AKAP13: variants seen among roughly 807,000 people sequenced by gnomAD.
AKAP13 encodes the protein A-kinase anchoring protein 13.
AKAP13 carries 80 observed loss-of-function variants against 264.5 expected under a neutral mutation model. The ratio of observed to expected loss-of-function variants is 0.30; its 90% confidence interval spans 0.25 to 0.36. The LOEUF is 0.36. Among genes scored for constraint, AKAP13 ranks in the 10% least tolerant of loss-of-function variants. The pLI, the probability that AKAP13 is intolerant of heterozygous loss-of-function variation, is 1.00. For missense variants in AKAP13, 3,712 were observed against 3,435.2 expected (o/e 1.08, Z -2.01); for synonymous variants, 1,380 against 1,250.2 (o/e 1.10, Z -2.19).
intron 8 of AKAP13, among the ~76,000 whole-genome samples, chr15:85,634,911 CTTCT>C (rs1190955665): frequency 6.7e-6 from 1 of 148,640 alleles, no homozygotes; most frequent in African/African-American, 2.5e-5. Flanking sequence ...CAGTTCATTT[CTTCT>C]TTCTATGAAT....
intron 5 of AKAP13, among the ~76,000 whole-genome samples, chr15:85,548,902 C>CTTTT (rs72092593): frequency 4.3e-4 from 53 of 123,320 alleles, no homozygotes; most frequent in African/African-American, 1.5e-3. Context: ...ACCTCAGTGC[C>CTTTT]TTTTTTTTTT....
rs1444762616 is a variant in AKAP13 at position 85,694,468 on chromosome 15, CTTA to C, written c.5464+1019_5464+1021del. ...TGAGTGTGATTCCAATAAAACTTCA[CTTA>C]TGGATACTGAAATTTGAATTTCATA... On this transcript the variant is annotated intron_variant, in intron 17 of 36. Transcript: ENST00000394518. 3.9e-5 allele frequency among the ~76,000 whole-genome samples: 6 copies of C among 152,316 alleles called. No homozygotes were observed. The South Asian group carries it at 1.0e-3, about 26-fold the overall frequency.
In AKAP13 at chr15:85,724,995, G is replaced by A. The variant is rs757278406; in HGVS notation, c.6746-1415G>A. Among the ~76,000 whole-genome samples the A allele has an allele frequency of 6.6e-5, 10 of 152,036 alleles. No homozygotes were observed. Among genetic ancestry groups the A allele is most frequent in the East Asian group, 3.9e-4 (2 of 5,176 alleles). ...CCCTAGCTCTCTTTGAGACTTTTACGCTGTCTGGCAGTTCAGAAATACCTG... is the reference window on the plus strand; with the variant it reads ...CCCTAGCTCTCTTTGAGACTTTTACACTGTCTGGCAGTTCAGAAATACCTG... On this transcript the variant is annotated intron_variant, in intron 26 of 36. Coordinates refer to ENST00000394518, the MANE Select transcript of AKAP13 (RefSeq NM_007200.5). The surrounding 1 kb of genome is among the most constrained non-coding windows in gnomAD (Gnocchi z 4.2).
intron 3 of AKAP13, among the ~76,000 whole-genome samples, chr15:85,528,543 T>C (rs1289575608): frequency 6.6e-6 from 1 of 152,192 alleles, no homozygotes; most frequent in East Asian, 1.9e-4. Context: ...ATCCGTAAGG[T>C]TGATGGTGTT....
Position 85,718,020 on chromosome 15 carries a change from C to A in AKAP13, c.5862C>A (p.Asp1954Glu). ...TGATATATTGAGGAGTAGGTACAGA[C>A]ATGAATGAAGGACAACTACTGGGAG... Reference protein sequence around the residue: ...ESLTDEGVGTDMNEGQLLGDF... With the variant: ...ESLTDEGVGTEMNEGQLLGDF... Residue 1954 changes from aspartate to glutamate, a missense_variant, in exon 22 of 37, where the codon GAC (aspartate) becomes GAA (glutamate). Physicochemically the swap from Asp to Glu is conservative, Grantham distance 45 (BLOSUM62 2). Transcript: ENST00000394518. The surrounding 1 kb of genome is among the most constrained non-coding windows in gnomAD (Gnocchi z 4.9). The A allele has an allele frequency of 6.2e-7, 1 of 1,614,020 alleles. No homozygotes were observed. Among genetic ancestry groups the A allele is most frequent in the Non-Finnish European group, 8.5e-7 (1 of 1,179,962 alleles).
Position 85,581,056 on chromosome 15 carries a change from A to T in AKAP13, c.2988A>T (p.Glu996Asp). 6 of 1,614,038 alleles carry T rather than the reference A, an allele frequency of 3.7e-6. No individual in the cohort carries two copies. The highest frequency in any genetic ancestry group is 5.1e-6 in the Non-Finnish European group (6 of 1,179,956). ...CTGCCTTTCTTAAGGCAGAAACTGA[A>T]CATAACAAGGAAGTGGCCCCACAAG... ...ASSAFLKAET[E>D]HNKEVAPQVS... Residue 996 changes from glutamate (E) to aspartate (D), a missense_variant, in exon 7 of 37, where the codon GAA (glutamate) becomes GAT (aspartate). By Grantham distance (45) the Glu-to-Asp change is conservative. This residue lies in a region of AKAP13 where 2,759 missense variants were observed against 2,411.7 expected (regional missense o/e 1.14). Transcript: ENST00000394518.
At chr15:85,459,776 G>A (rs1294299815) in intron 1 of AKAP13, among the ~76,000 whole-genome samples, 1 of 152,222 alleles carries the variant, frequency 6.6e-6, no homozygotes, top group Non-Finnish European at 1.5e-5. Flanking sequence ...TGGGATTACA[G>A]GCGTGAGCCA....
At chr15:85,614,065 C>T (rs1056850867) in intron 8 of AKAP13, among the ~76,000 whole-genome samples, 6 of 152,006 alleles carry the variant, frequency 3.9e-5, no homozygotes, top group Non-Finnish European at 4.4e-5. Flanking sequence ...ATTCTTCTAG[C>T]GGTGTAATAT....
intron 1 of AKAP13, among the ~76,000 whole-genome samples, chr15:85,437,391 A>G (rs1344189224): frequency 6.6e-6 from 1 of 152,252 alleles, no homozygotes; most frequent in Non-Finnish European, 1.5e-5. Context: ...TACCAGAGAC[A>G]CAAGGAGGAA....
intron 1 of AKAP13, among the ~76,000 whole-genome samples, chr15:85,405,779 G>A (rs1018427260): frequency 1.3e-5 from 2 of 152,154 alleles, no homozygotes; most frequent in African/African-American, 2.4e-5. Context: ...GATAGGTGTT[G>A]TATGTGTCTC....
rs1419743249 is a variant in AKAP13, at chr15:85,580,453, A to G, written c.2385A>G (p.Ser795=). The G allele has an allele frequency of 5.0e-6, 8 of 1,614,142 alleles. No homozygotes were observed. The Admixed American group carries it at 1.0e-4, about 20-fold the overall frequency. Residue 795 remains serine, a synonymous_variant, in exon 7 of 37, where the codon TCA becomes TCG. Transcript: ENST00000394518. ...TGGCAAACAGTCCAGGCAGTGAATC[A>G]GTAACCAAGGATGACGCACTTTCTT... is the stretch of plus-strand genomic sequence containing the variant. ...FSLANSPGSE[S]VTKDDALSFV...
chr15:85,683,377 A>G (rs2084708825), intron 15 of AKAP13: 2 of 152,182 alleles, frequency 1.3e-5, no homozygotes, highest in African/African-American at 4.8e-5. Flanking sequence ...GGAAATGTCT[A>G]AAATATTTTA....
At chr15:85,439,825 T>G (rs1459794547) in intron 1 of AKAP13, among the ~76,000 whole-genome samples, 2 of 63,632 alleles carry the variant, frequency 3.1e-5, no homozygotes, top group East Asian at 5.5e-4. Context: ...TGTGGTGGGG[T>G]GGGGGGAGGG....
chr15:85,690,268 G>C (rs1597072355), intron 16 of AKAP13, among the ~76,000 whole-genome samples: 2 of 152,218 alleles, frequency 1.3e-5, no homozygotes, highest in African/African-American at 4.8e-5. Flanking sequence ...TGCAAGGCTT[G>C]AGAGGATAAG....
At position 85,581,825 on chromosome 15, in the gene AKAP13, A is replaced by T; in HGVS notation, c.3757A>T (p.Ser1253Cys). 1 of 1,614,206 alleles carries T rather than the reference A, an allele frequency of 6.2e-7. No homozygotes were observed. Among genetic ancestry groups the T allele is most frequent in the Non-Finnish European group, 8.5e-7 (1 of 1,180,022 alleles). Reference protein sequence around the residue: ...KGADLIEEAASRIVDAVIEQV... With the variant: ...KGADLIEEAACRIVDAVIEQV... Reference sequence around the variant, plus strand: ...GGCAGACTTGATAGAGGAGGCTGCCAGCCGTATAGTGGATGCTGTCATCGA... The same window carrying T: ...GGCAGACTTGATAGAGGAGGCTGCCTGCCGTATAGTGGATGCTGTCATCGA... Residue 1253 changes from serine to cysteine, a missense_variant, in exon 7 of 37, where the codon AGC becomes TGC. Coordinates refer to ENST00000394518, the MANE Select transcript of AKAP13 (RefSeq NM_007200.5).
chr15:85,426,955 GTTT>G (rs71468105), intron 1 of AKAP13, among the ~76,000 whole-genome samples: 7 of 125,080 alleles, frequency 5.6e-5, no homozygotes, highest in African/African-American at 2.1e-4. Flanking sequence ...GTTTTGTTTT[GTTT>G]TTTTTTTTTT....
chr15:85,682,832 TAATTTTGTATTTTTAGTA>T, intron 15 of AKAP13, among the ~76,000 whole-genome samples: 1 of 152,280 alleles, frequency 6.6e-6, no homozygotes, highest in African/African-American at 2.4e-5. Flanking sequence ...CATGCCCAGC[TAATTTTGTATTTTTAGTA>T]GGGATGGGGT....
intron 1 of AKAP13, among the ~76,000 whole-genome samples, chr15:85,434,482 G>T (rs1290842723): frequency 6.6e-6 from 1 of 152,196 alleles, no homozygotes; most frequent in Non-Finnish European, 1.5e-5. Context: ...GCTCAAGAAG[G>T]CCTGCCTGCC....
chr15:85,483,595 C>T (rs1055415931), intron 1 of AKAP13, among the ~76,000 whole-genome samples: 1 of 140,492 alleles, frequency 7.1e-6, no homozygotes, highest in African/African-American at 2.7e-5. Context: ...CACTGCAGTC[C>T]GCAGTCCGGC....
Sources: gnomAD v4.1 joint callset for allele counts (sites outside exome capture counted in the v4.1 genomes callset) on GRCh38, gnomAD v4.1.1 for gene constraint, gnomAD v4.1.1 regional missense constraint, Gnocchi (gnomAD v3.1) non-coding constraint, MANE v1.5 for transcripts, NCBI Gene and HGNC (gene_info 2026-07-23, HGNC 2026-07-21) for gene names.